Variants in PREX2 observed in about 807,000 individuals in gnomAD.
PREX2 encodes phosphatidylinositol-3,4,5-trisphosphate dependent Rac exchange factor 2.
PREX2 carries 107 observed loss-of-function variants against 203.2 expected under a neutral mutation model. That is an observed-to-expected ratio of 0.53 (90% CI 0.45 to 0.62). The LOEUF is 0.62. Among genes scored for constraint, PREX2 ranks in the 20% least tolerant of loss-of-function variants. The pLI is 0.00. For synonymous variants in PREX2, 672 were observed against 663.6 expected (o/e 1.01, Z -0.19); for missense variants, 1,777 against 1,955.9 (o/e 0.91, Z 1.72).
At chr8:67,988,777 A>G (rs1239448498) in intron 1 of PREX2, among the ~76,000 whole-genome samples, 1 of 152,164 alleles carries the variant, frequency 6.6e-6, no homozygotes, top group African/African-American at 2.4e-5. Flanking sequence ...TCACGCGTAC[A>G]TGACAAGAAG....
At chr8:68,176,695 A>C (rs1811986443) in intron 35 of PREX2, 1 of 152,182 alleles carries the variant, frequency 6.6e-6, no homozygotes, top group South Asian at 2.1e-4. Flanking sequence ...TTGTATCTGA[A>C]GATGGGTTTC....
chr8:68,102,377 GCC>G (rs1459264159), intron 23 of PREX2, among the ~76,000 whole-genome samples: 1 of 152,162 alleles, frequency 6.6e-6, no homozygotes, highest in African/African-American at 2.4e-5. Context: ...ATACCATTTG[GCC>G]ATAAACATAT....
At chr8:68,173,698 C>T (rs1239938375) in intron 35 of PREX2, among the ~76,000 whole-genome samples, 1 of 151,828 alleles carries the variant, frequency 6.6e-6, no homozygotes, top group Non-Finnish European at 1.5e-5. Flanking sequence ...GTGATAAGTC[C>T]TTCGTTGTGA....
intron 31 of PREX2, among the ~76,000 whole-genome samples, chr8:68,130,039 A>G (rs1810971609): frequency 6.9e-6 from 1 of 145,402 alleles, no homozygotes. Flanking sequence ...GCACTTTGGG[A>G]GGCTGAGGAT....
rs796648669 is a variant in PREX2, at chr8:67,966,270, A to G, written c.141+13735A>G. Among the ~76,000 whole-genome samples, 17 of 152,320 alleles carry G rather than the reference A, an allele frequency of 1.1e-4. 2 individuals carry two copies. Among genetic ancestry groups the G allele is most frequent in the Admixed American group, 3.9e-4 (6 of 15,300 alleles). ...TTTTAAAAAGAAAATGTCTGCTAAC[A>G]TTTAAAGAAAATAAATTGCCTATAG... On this transcript the variant is annotated intron_variant, in intron 1 of 39. Coordinates refer to ENST00000288368, the MANE Select transcript of PREX2 (RefSeq NM_024870.4).
In PREX2 at chr8:68,086,238, C is replaced by A. The variant is rs187917720; in HGVS notation, c.2028-1486C>A. Among the ~76,000 whole-genome samples, 11 of 152,260 alleles carry A rather than the reference C, an allele frequency of 7.2e-5. No individual in the cohort carries two copies. In the East Asian group the frequency reaches 1.9e-3, roughly 27 times the overall value. ...ATAATACTTTCAAGTTTTCCGAGAG[C>A]AGAAAATCTTCATTTCTATCCCTGA... On this transcript the variant is annotated intron_variant, in intron 18 of 39. Coordinates refer to ENST00000288368, the MANE Select transcript of PREX2 (RefSeq NM_024870.4).
intron 19 of PREX2, among the ~76,000 whole-genome samples, chr8:68,089,411 G>T (rs1328460827): frequency 6.6e-6 from 1 of 152,132 alleles, no homozygotes; most frequent in Non-Finnish European, 1.5e-5. Context: ...AGCCCTCGGA[G>T]TCTTCCATTT....
At position 68,233,095 on chromosome 8, in the gene PREX2, T is replaced by A. The variant is rs2129615715; in HGVS notation, c.*1717T>A. On this transcript the variant is annotated 3_prime_UTR_variant, in exon 40 of 40. Transcript: ENST00000288368. The stretch of plus-strand genomic sequence containing the variant: ...TATTTGGCACAGAAGCTCTAGAGAC[T>A]TTTGTGAGAAGTCCATATACAATGA... 1 of 152,314 alleles carries A rather than the reference T, an allele frequency of 6.6e-6. No homozygotes were observed. The highest frequency in any genetic ancestry group is 2.1e-4 in the South Asian group (1 of 4,826). 9.4% of individuals were successfully genotyped at this position (152,314 alleles called of 1,614,324 possible).
At chr8:67,985,584 A>G (rs1352280035) in intron 1 of PREX2, among the ~76,000 whole-genome samples, 1 of 152,106 alleles carries the variant, frequency 6.6e-6, no homozygotes, top group Non-Finnish European at 1.5e-5. Flanking sequence ...ATTGTCGGAG[A>G]TAGGAAAATG....
intron 20 of PREX2, among the ~76,000 whole-genome samples, chr8:68,093,402 A>G (rs1405061719): frequency 6.6e-6 from 1 of 151,668 alleles, no homozygotes; most frequent in African/African-American, 2.4e-5. Context: ...AAAAAAAAAA[A>G]AAAAAAAAAG....
chr8:68,222,093 A>G (rs748151627), intron 38 of PREX2, among the ~76,000 whole-genome samples: 6 of 152,190 alleles, frequency 3.9e-5, no homozygotes, highest in African/African-American at 1.4e-4. Flanking sequence ...ACACAGACAC[A>G]TACAAATATG....
intron 9 of PREX2, among the ~76,000 whole-genome samples, chr8:68,054,778 C>T (rs1808626040): frequency 6.6e-6 from 1 of 152,192 alleles, no homozygotes; most frequent in Non-Finnish European, 1.5e-5. Flanking sequence ...CACCTGAGTC[C>T]TGGACTCCCA....
chr8:68,203,418 G>T (rs1257678220), intron 37 of PREX2, among the ~76,000 whole-genome samples: 2 of 152,074 alleles, frequency 1.3e-5, no homozygotes, highest in Admixed American at 1.3e-4. Flanking sequence ...TCCTTTGATG[G>T]GTTCACAGTT....
chr8:68,204,632 T>A (rs1416136248), intron 37 of PREX2, among the ~76,000 whole-genome samples: 1 of 151,904 alleles, frequency 6.6e-6, no homozygotes, highest in Non-Finnish European at 1.5e-5. Context: ...AGGGCTACTT[T>A]CTGCCTGCTT....
At chr8:67,952,772 GA>G in intron 1 of PREX2, 1 of 625,794 alleles carries the variant, frequency 1.6e-6, no homozygotes, top group Non-Finnish European at 2.9e-6. Context: ...CTCCAGGTCT[GA>G]AAAGTTAGCT....
At chr8:67,972,231 T>C (rs1026365613) in intron 1 of PREX2, among the ~76,000 whole-genome samples, 1 of 152,350 alleles carries the variant, frequency 6.6e-6, no homozygotes, top group South Asian at 2.1e-4. Context: ...GTAATTTCTG[T>C]AATAAAGCCC....
chr8:68,055,462 T>TA (rs1808648802), intron 9 of PREX2, among the ~76,000 whole-genome samples: 1 of 151,524 alleles, frequency 6.6e-6, no homozygotes, highest in African/African-American at 2.4e-5. Context: ...ATTGCATTAT[T>TA]TTTTTTCTAC....
chr8:68,135,556 G>A (rs62522678), intron 32 of PREX2, among the ~76,000 whole-genome samples: 18,441 of 152,152 alleles, frequency 0.12, 1,317 homozygotes, highest in East Asian at 0.2. Flanking sequence ...ATGGATGGCT[G>A]TAATACAAAA....
At chr8:68,015,626 G>A (rs1057010049) in intron 1 of PREX2, among the ~76,000 whole-genome samples, 7 of 152,084 alleles carry the variant, frequency 4.6e-5, no homozygotes, top group African/African-American at 1.7e-4. Flanking sequence ...TTGCACGAGA[G>A]GTTACCTGTT....
Sources: allele counts gnomAD v4.1 joint callset (sites outside exome capture counted in the v4.1 genomes callset), GRCh38; gene constraint gnomAD v4.1.1; transcripts MANE v1.5; gene names NCBI Gene and HGNC (gene_info 2026-07-23, HGNC 2026-07-21).